Variants in DGKI observed in about 807,000 individuals in gnomAD.
DGKI encodes the protein diacylglycerol kinase iota.
DGKI carries 55 observed loss-of-function variants against 147.5 expected under a neutral mutation model. The observed-to-expected ratio is 0.37, with a 90% CI of 0.30 to 0.47. The LOEUF (loss-of-function observed/expected upper bound fraction) is 0.47. DGKI is among the 20% of genes least tolerant of loss of function. The pLI is 1.00. For missense variants in DGKI, 1,007 were observed against 1,323.8 expected, an observed-to-expected ratio of 0.76 and a Z score of 3.71; for synonymous variants, 469 against 477.1, an observed-to-expected ratio of 0.98 and a Z score of 0.22.
At chr7:137,528,363 C>A (rs1817225428) in intron 20 of DGKI, among the ~76,000 whole-genome samples, 1 of 152,156 alleles carries the variant, frequency 6.6e-6, no homozygotes, top group Non-Finnish European at 1.5e-5. Flanking sequence ...ACTACCTGTT[C>A]TTCAATTAAA....
At chr7:137,584,080 A>C (rs1038304592) in intron 14 of DGKI, among the ~76,000 whole-genome samples, 1 of 152,176 alleles carries the variant, frequency 6.6e-6, no homozygotes, top group African/African-American at 2.4e-5. Flanking sequence ...GGTTTGATCT[A>C]AATCTAAAAT....
intron 1 of DGKI, among the ~76,000 whole-genome samples, chr7:137,717,780 T>C (rs965565535): frequency 1.3e-5 from 2 of 152,182 alleles, no homozygotes; most frequent in Non-Finnish European, 2.9e-5. Context: ...GAGCATGCTT[T>C]ACCTTCTCAC....
Position 137,585,297 on chromosome 7 carries a change from C to T in DGKI, c.1475G>A (p.Gly492Glu). 1 of 1,614,134 alleles carries T rather than the reference C, an allele frequency of 6.2e-7. No individual in the cohort carries two copies. The highest frequency in any genetic ancestry group is 1.1e-5 in the South Asian group (1 of 91,084). The change falls in exon 14 of 33, where the codon GGG (glycine) becomes GAG (glutamate). Residue 492 changes from glycine (G) to glutamate (E), a missense_variant. Physicochemically the swap from Gly to Glu is moderately conservative, Grantham distance 98. Transcript: ENST00000614521. ...CCAGCGATCTAGCTGTACAACTGTCCCATCTTCCACTTGACACAGGATCTT... is the reference window on the plus strand; with the variant it reads ...CCAGCGATCTAGCTGTACAACTGTCTCATCTTCCACTTGACACAGGATCTT... ...VSKILCQVED[G>E]TVVQLDRWNL...
At chr7:137,704,206 G>A (rs890027366) in intron 1 of DGKI, among the ~76,000 whole-genome samples, 3 of 151,978 alleles carry the variant, frequency 2.0e-5, no homozygotes, top group Admixed American at 1.3e-4. Context: ...ATAAATAACA[G>A]CACCTATATT....
chr7:137,508,939 C>T (rs1290850560), intron 21 of DGKI, among the ~76,000 whole-genome samples: 2 of 152,022 alleles, frequency 1.3e-5, no homozygotes, highest in South Asian at 2.1e-4. Flanking sequence ...TTTTGTTACT[C>T]ATAGCATTCA....
chr7:137,705,322 T>C (rs771915491), intron 1 of DGKI, among the ~76,000 whole-genome samples: 4 of 152,014 alleles, frequency 2.6e-5, no homozygotes, highest in Non-Finnish European at 4.4e-5. Context: ...ACAATTCAAC[T>C]GTCCAGCAAT....
chr7:137,685,635 C>G (rs1823390227), intron 2 of DGKI, among the ~76,000 whole-genome samples: 1 of 152,166 alleles, frequency 6.6e-6, no homozygotes, highest in South Asian at 2.1e-4. Flanking sequence ...TTACTTCCTT[C>G]CTTTCTAGTA....
At chr7:137,450,128 A>C (rs1813893662) in intron 27 of DGKI, among the ~76,000 whole-genome samples, 1 of 152,164 alleles carries the variant, frequency 6.6e-6, no homozygotes, top group African/African-American at 2.4e-5. Context: ...AGGCTGGGGC[A>C]TTTCGGGGTG....
chr7:137,428,084 C>G (rs1019377190), intron 28 of DGKI, among the ~76,000 whole-genome samples: 10 of 146,708 alleles, frequency 6.8e-5, no homozygotes, highest in African/African-American at 2.5e-4. Flanking sequence ...CAAAGCCGGG[C>G]AGAGACACAA....
chr7:137,586,759 G>A (rs975616573), intron 13 of DGKI, among the ~76,000 whole-genome samples: 1 of 152,186 alleles, frequency 6.6e-6, no homozygotes, highest in Non-Finnish European at 1.5e-5. Flanking sequence ...CTGGGGCTGA[G>A]AGTCTGGATT....
chr7:137,508,687 GGA>G (rs1816461333), intron 21 of DGKI, among the ~76,000 whole-genome samples: 1 of 152,024 alleles, frequency 6.6e-6, no homozygotes, highest in African/African-American at 2.4e-5. Flanking sequence ...TCTTTCTCCA[GGA>G]GCTAGAAGTC....
At chr7:137,750,720 C>G (rs1436649153) in intron 1 of DGKI, among the ~76,000 whole-genome samples, 1 of 152,156 alleles carries the variant, frequency 6.6e-6, no homozygotes, top group African/African-American at 2.4e-5. Flanking sequence ...GGGGAGAAGA[C>G]AGAGTCCTGA....
At chr7:137,417,198 G>A (rs1454784764) in intron 28 of DGKI, among the ~76,000 whole-genome samples, 1 of 152,132 alleles carries the variant, frequency 6.6e-6, no homozygotes, top group African/African-American at 2.4e-5. Context: ...AGGAAACAAT[G>A]CTCCAAAATT....
chr7:137,757,891 CAT>C (rs1226850313), intron 1 of DGKI, among the ~76,000 whole-genome samples: 1 of 152,182 alleles, frequency 6.6e-6, no homozygotes, highest in Non-Finnish European at 1.5e-5. Context: ...TAGTTTAAGA[CAT>C]ATAGCGAAAT....
At chr7:137,689,083 CT>C (rs1230320184) in intron 2 of DGKI, among the ~76,000 whole-genome samples, 1 of 152,196 alleles carries the variant, frequency 6.6e-6, no homozygotes, top group Non-Finnish European at 1.5e-5. Flanking sequence ...CCCACCCCAC[CT>C]TTCTCTTTCA....
chr7:137,638,540 GTATATATATGTGTGTATAT>G (rs1563125573), intron 6 of DGKI, among the ~76,000 whole-genome samples: 2 of 94,896 alleles, frequency 2.1e-5, no homozygotes, highest in Non-Finnish European at 3.8e-5. Flanking sequence ...ACACATATAT[GTATATATATGTGTGTATAT>G]ATATACACAC....
intron 1 of DGKI, among the ~76,000 whole-genome samples, chr7:137,791,838 C>T (rs1419044884): frequency 6.6e-6 from 1 of 152,192 alleles, no homozygotes; most frequent in East Asian, 1.9e-4. Flanking sequence ...TTCCCCCTCA[C>T]TTCAATTATG....
chr7:137,446,222 G>C (rs1310900734), intron 27 of DGKI, among the ~76,000 whole-genome samples: 1 of 152,242 alleles, frequency 6.6e-6, no homozygotes, highest in East Asian at 1.9e-4. Flanking sequence ...AAAAATTCCA[G>C]ATGGCTCCGT....
chr7:137,644,726 G>A (rs953509518), intron 6 of DGKI, among the ~76,000 whole-genome samples: 11 of 152,054 alleles, frequency 7.2e-5, no homozygotes, highest in Non-Finnish European at 1.6e-4. Context: ...TAAATTGGTG[G>A]TGAACCACAC....
Sources: allele counts gnomAD v4.1 joint callset (sites outside exome capture counted in the v4.1 genomes callset), GRCh38; gene constraint gnomAD v4.1.1; transcripts MANE v1.5; gene names NCBI Gene and HGNC (gene_info 2026-07-23, HGNC 2026-07-21).